NELL1: variants seen among roughly 807,000 people sequenced by gnomAD.
NELL1 encodes protein kinase C-binding protein NELL1.
In NELL1, 76 loss-of-function variants were observed where a neutral mutation model predicts 107.4. The ratio of observed to expected loss-of-function variants is 0.71; its 90% confidence interval spans 0.59 to 0.86. The LOEUF (loss-of-function observed/expected upper bound fraction) is 0.86. Among genes scored for constraint, NELL1 ranks in the 40% least tolerant of loss-of-function variants. The pLI, the probability that NELL1 is intolerant of heterozygous loss-of-function variation, is 0.00. For synonymous variants in NELL1, 353 were observed against 341.2 expected (o/e 1.03, Z -0.38); for missense variants, 1,024 against 1,005.5 (o/e 1.02, Z -0.25).
At chr11:20,818,204 G>A (rs1857666299) in intron 3 of NELL1, among the ~76,000 whole-genome samples, 1 of 152,110 alleles carries the variant, frequency 6.6e-6, no homozygotes, top group South Asian at 2.1e-4. Flanking sequence ...ACTATTATGT[G>A]TGACTTTCTA....
intron 14 of NELL1, among the ~76,000 whole-genome samples, chr11:21,353,611 C>G (rs1052091418): frequency 2.6e-5 from 4 of 152,136 alleles, no homozygotes; most frequent in Non-Finnish European, 5.9e-5. Flanking sequence ...TCGCTGGGCT[C>G]CAGTGCCAGC....
At chr11:21,481,984 A>C (rs1854505363) in intron 15 of NELL1, among the ~76,000 whole-genome samples, 1 of 152,138 alleles carries the variant, frequency 6.6e-6, no homozygotes, top group Non-Finnish European at 1.5e-5. Context: ...TAGATGGGTG[A>C]CCTTGAGCAT....
At chr11:21,414,222 A>G (rs1834352175) in intron 15 of NELL1, among the ~76,000 whole-genome samples, 2 of 152,158 alleles carry the variant, frequency 1.3e-5, no homozygotes, top group South Asian at 2.1e-4. Context: ...CAATATTTTT[A>G]TGGAAGAAGA....
At chr11:21,334,160 G>A (rs1169679269) in intron 14 of NELL1, among the ~76,000 whole-genome samples, 1 of 151,984 alleles carries the variant, frequency 6.6e-6, no homozygotes, top group Non-Finnish European at 1.5e-5. Context: ...AACGTGTGTA[G>A]AAGAATAGAC....
intron 15 of NELL1, among the ~76,000 whole-genome samples, chr11:21,494,255 A>G (rs575963849): frequency 3.9e-5 from 6 of 151,982 alleles, no homozygotes; most frequent in Non-Finnish European, 8.8e-5. Context: ...AAACTGTTTA[A>G]TGTATTATTC....
At chr11:20,764,793 G>A (rs866634695) in intron 2 of NELL1, among the ~76,000 whole-genome samples, 1 of 151,964 alleles carries the variant, frequency 6.6e-6, no homozygotes, top group Non-Finnish European at 1.5e-5. Flanking sequence ...GAAACTACAC[G>A]TGAGAGTCAG....
intron 16 of NELL1, among the ~76,000 whole-genome samples, chr11:21,540,746 C>A (rs1357294997): frequency 6.6e-6 from 1 of 152,072 alleles, no homozygotes; most frequent in Non-Finnish European, 1.5e-5. Context: ...AACATCTACT[C>A]CCATGATTGA....
chr11:20,769,904 T>G (rs1486657102), intron 2 of NELL1, among the ~76,000 whole-genome samples: 2 of 152,154 alleles, frequency 1.3e-5, no homozygotes, highest in Non-Finnish European at 2.9e-5. Flanking sequence ...CTGAAAAGAA[T>G]ATCTGTTGTC....
rs1850452095 is a variant in NELL1, at chr11:21,337,781, T to TTTCTTTCC, written c.1550-33065_1550-33064insCTTCTTTC. Among the ~76,000 whole-genome samples, 3 of 140,182 alleles carry TTTCTTTCC rather than the reference T, an allele frequency of 2.1e-5. No individual in the cohort carries two copies. The East Asian group carries it at 6.3e-4, about 30-fold the overall frequency. The allele number at this position is 140,182 out of a possible 152,430, so 92.0% of individuals were successfully genotyped here. On this transcript the variant is annotated intron_variant, in intron 14 of 19. Transcript: ENST00000357134. ...CTTTCTTTCTTTCTTTCTTTCTTTC[T>TTTCTTTCC]TTCTTTCTTTCTTTCCTTCTTTCTT...
At chr11:20,865,557 AT>A (rs11442380) in intron 4 of NELL1, among the ~76,000 whole-genome samples, 5 of 151,680 alleles carry the variant, frequency 3.3e-5, no homozygotes, top group African/African-American at 1.2e-4. Flanking sequence ...TGCCATCTGG[AT>A]TTTTTTTGAA....
At chr11:21,171,809 G>A (rs1013771339) in intron 13 of NELL1, among the ~76,000 whole-genome samples, 1 of 151,766 alleles carries the variant, frequency 6.6e-6, no homozygotes, top group East Asian at 1.9e-4. Flanking sequence ...GGTTTCTAAT[G>A]CTTCTCCCTT....
intron 15 of NELL1, among the ~76,000 whole-genome samples, chr11:21,465,582 G>GT (rs1235322121): frequency 6.6e-6 from 1 of 151,922 alleles, no homozygotes; most frequent in Non-Finnish European, 1.5e-5. Flanking sequence ...TTCTGCCCTA[G>GT]TTTTTTTCTC....
intron 14 of NELL1, among the ~76,000 whole-genome samples, chr11:21,353,226 T>C (rs1408816003): frequency 1.3e-5 from 2 of 152,202 alleles, no homozygotes; most frequent in South Asian, 2.1e-4. Flanking sequence ...TGAGGAACTA[T>C]ACCTAGTTGG....
intron 4 of NELL1, among the ~76,000 whole-genome samples, chr11:20,849,993 C>T (rs1848767639): frequency 6.6e-6 from 1 of 152,094 alleles, no homozygotes; most frequent in Admixed American, 6.5e-5. Context: ...AATGGACTGG[C>T]ATTTCCAAAC....
At chr11:21,134,383 AG>A (rs1364975540) in intron 13 of NELL1, among the ~76,000 whole-genome samples, 1 of 152,194 alleles carries the variant, frequency 6.6e-6, no homozygotes, top group Non-Finnish European at 1.5e-5. Flanking sequence ...AAGGAGTCAA[AG>A]CATAGAGGAA....
At chr11:21,239,621 AG>A (rs1224428583) in intron 14 of NELL1, among the ~76,000 whole-genome samples, 1 of 152,088 alleles carries the variant, frequency 6.6e-6, no homozygotes, top group Non-Finnish European at 1.5e-5. Context: ...ACTTTGTTCC[AG>A]AAAAATGGAA....
At chr11:21,367,941 T>G (rs1851266913) in intron 14 of NELL1, among the ~76,000 whole-genome samples, 1 of 152,136 alleles carries the variant, frequency 6.6e-6, no homozygotes, top group Non-Finnish European at 1.5e-5. Context: ...CCTCTGCATA[T>G]CAGAGTCCTT....
chr11:21,431,966 T>A (rs1244894099), intron 15 of NELL1, among the ~76,000 whole-genome samples: 6 of 152,186 alleles, frequency 3.9e-5, no homozygotes, highest in African/African-American at 1.4e-4. Context: ...TGCAACTCAA[T>A]GTACTCAGCT....
chr11:21,315,453 A>C (rs1352511657), intron 14 of NELL1, among the ~76,000 whole-genome samples: 1 of 152,176 alleles, frequency 6.6e-6, no homozygotes, highest in East Asian at 1.9e-4. Flanking sequence ...AGGTTAAAGA[A>C]TGGACAGAAC....
Sources: allele counts gnomAD v4.1 joint callset (sites outside exome capture counted in the v4.1 genomes callset), GRCh38; gene constraint gnomAD v4.1.1; transcripts MANE v1.5; gene names NCBI Gene and HGNC (gene_info 2026-07-23, HGNC 2026-07-21).